NBPF26: variants seen among roughly 807,000 people sequenced by gnomAD.
The protein encoded by NBPF26 is NBPF family member NBPF26.
NBPF26 carries 79 observed loss-of-function variants against 119.6 expected under a neutral mutation model. That is an observed-to-expected ratio of 0.66 (90% CI 0.55 to 0.80). The LOEUF (loss-of-function observed/expected upper bound fraction) is 0.80. Among genes scored for constraint, NBPF26 ranks in the 30% least tolerant of loss-of-function variants. NBPF26 has a pLI of 0.00. For synonymous variants in NBPF26, 299 were observed against 457.7 expected, an observed-to-expected ratio of 0.65 and a Z score of 4.43; for missense variants, 800 against 1,198.2, an observed-to-expected ratio of 0.67 and a Z score of 4.91.
At chr1:120,765,959 A>G (rs1272683937) in intron 2 of NBPF26, among the ~76,000 whole-genome samples, 1 of 50,204 alleles carries the variant, frequency 2.0e-5, no homozygotes, top group Non-Finnish European at 3.3e-5. Flanking sequence ...GGAGGGGAAC[A>G]TCACACACTG....
At chr1:120,752,551 TA>T (rs1313617512) in intron 1 of NBPF26, among the ~76,000 whole-genome samples, 145 of 16,242 alleles carry the variant, frequency 8.9e-3, no homozygotes, top group Non-Finnish European at 0.011. Flanking sequence ...TATATATATA[TA>T]TATTTTTTTT....
intron 8 of NBPF26, 138 bp downstream of exon 8, chr1:120,810,021 G>T (rs1468251240): frequency 1.0e-4 from 139 of 1,334,130 alleles, no homozygotes; most frequent in Middle Eastern, 5.0e-4. Flanking sequence ...ACCCAGCTTA[G>T]ACACAGGGTG....
rs1357863906 is a variant in NBPF26 at position 120,778,482 on chromosome 1, G to GT, written c.156-6485dup. Reference sequence around the variant, plus strand: ...TCCCCTTCGTTCCACATTCTGTATAGTTTTTTTAAAAATCATGATTTTGAA... The same window carrying GT: ...TCCCCTTCGTTCCACATTCTGTATAGTTTTTTTTAAAAATCATGATTTTGAA... On this transcript the variant is annotated intron_variant, in intron 2 of 29. Transcript: ENST00000620612. Among the ~76,000 whole-genome samples, 11 of 103,966 alleles carry GT rather than the reference G, an allele frequency of 1.1e-4. 4 individuals are homozygous for GT. Among genetic ancestry groups the GT allele is most frequent in the East Asian group, 4.6e-4 (2 of 4,392 alleles). The allele number at this position is 103,966 out of a possible 152,430, so 68.2% of individuals were successfully genotyped here. A position where few individuals can be genotyped will look rare whatever the true frequency, so the allele number is the denominator to read the frequency against.
chr1:120,793,262 G>A, exon 4 of NBPF26: 1 of 1,397,150 alleles, frequency 7.2e-7, no homozygotes, highest in Non-Finnish European at 9.6e-7. Context: ...ATGCCTCACA[G>A]GCTTCACAGG....
Position 120,823,910 on chromosome 1 carries a change from T to G in NBPF26, c.2640-64T>G. Reference sequence around the variant, plus strand: ...TCTTCCTTACATTAGCCATGAAATCTAGCTGGGGCTGTGTGGTTTCTGATT... The same window carrying G: ...TCTTCCTTACATTAGCCATGAAATCGAGCTGGGGCTGTGTGGTTTCTGATT... On this transcript the variant is annotated intron_variant, in intron 17 of 29. Coordinates refer to ENST00000620612, the Ensembl canonical transcript of NBPF26. The G allele has an allele frequency of 8.3e-6, 4 of 479,116 alleles. 1 individual carries two copies. Among genetic ancestry groups the G allele is most frequent in the South Asian group, 7.4e-5 (4 of 53,952 alleles). 29.7% of individuals were successfully genotyped at this position (479,116 alleles called of 1,614,324 possible). A position where few individuals can be genotyped will look rare whatever the true frequency, so the allele number is the denominator to read the frequency against.
chr1:120,805,394 C>T lies in NBPF26; in HGVS notation c.752-162C>T. 2.1e-5 allele frequency: 24 copies of T among 1,161,664 alleles called. 3 individuals are homozygous for T. Among genetic ancestry groups the T allele is most frequent in the Non-Finnish European group, 2.7e-5 (23 of 852,752 alleles). The allele number at this position is 1,161,664 out of a possible 1,614,324, so 72.0% of individuals were successfully genotyped here. A position where few individuals can be genotyped will look rare whatever the true frequency, so the allele number is the denominator to read the frequency against. ...AGCTCTGAGTTGAGGCACCTCGAAC[C>T]TTGTTTTTGTGGTGAAGGATCCTAA... is the stretch of plus-strand genomic sequence containing the variant. On this transcript the variant is annotated intron_variant, in intron 4 of 29. Coordinates refer to ENST00000620612, the Ensembl canonical transcript of NBPF26.
chr1:120,832,382 G>A (rs1290572898), intron 22 of NBPF26, among the ~76,000 whole-genome samples: 1 of 101,864 alleles, frequency 9.8e-6, no homozygotes, highest in East Asian at 2.5e-4. Context: ...CATACCTGTG[G>A]CGCCCTGATC....
chr1:120,807,800 G>A lies in NBPF26; in HGVS notation c.1064+91G>A. ...GTGGGGAGACGTAAGAGCTAAGCTG[G>A]GCCAGGGGAAGGGCAGGAATTGCCA... On this transcript the variant is annotated intron_variant, in intron 6 of 29. Transcript: ENST00000620612. 9 of 560,568 alleles carry A rather than the reference G, an allele frequency of 1.6e-5. 1 individual carries two copies. Among genetic ancestry groups the A allele is most frequent in the African/African-American group, 6.6e-5 (2 of 30,240 alleles). 34.7% of individuals were successfully genotyped at this position (560,568 alleles called of 1,614,324 possible). A position where few individuals can be genotyped will look rare whatever the true frequency, so the allele number is the denominator to read the frequency against.
intron 2 of NBPF26, among the ~76,000 whole-genome samples, chr1:120,764,519 G>C (rs1195731694): frequency 2.5e-5 from 2 of 81,184 alleles, no homozygotes; most frequent in Non-Finnish European, 4.6e-5. Flanking sequence ...CAGGGGCTTT[G>C]GGTGTGTATT....
intron 2 of NBPF26, among the ~76,000 whole-genome samples, chr1:120,778,305 G>C (rs1391861469): frequency 7.3e-5 from 5 of 68,746 alleles, no homozygotes; most frequent in Admixed American, 2.8e-4. Context: ...CTGCGGATTG[G>C]GGGGCCAAGA....
chr1:120,840,495 C>T lies in NBPF26; in HGVS notation c.4249C>T (p.His1417Tyr). The T allele has an allele frequency of 2.0e-6, 3 of 1,478,712 alleles. 1 individual carries two copies. Among genetic ancestry groups the T allele is most frequent in the Non-Finnish European group, 1.8e-6 (2 of 1,092,090 alleles). The allele number at this position is 1,478,712 out of a possible 1,614,324, so 91.6% of individuals were successfully genotyped here. A position where few individuals can be genotyped will look rare whatever the true frequency, so the allele number is the denominator to read the frequency against. Reference sequence around the variant, plus strand: ...TGTGTTTTACTCATTTGAGGAAGAGCATATCAGCTTCGCCCTTTACGTGGA... The same window carrying T: ...TGTGTTTTACTCATTTGAGGAAGAGTATATCAGCTTCGCCCTTTACGTGGA... The change falls in exon 30 of 30, where the codon CAT becomes TAT. Residue 1417 changes from histidine to tyrosine, a missense_variant. Coordinates refer to ENST00000620612, the Ensembl canonical transcript of NBPF26.
At chr1:120,830,221 T>C (rs1455670558) in intron 19 of NBPF26, among the ~76,000 whole-genome samples, 195 bp from the exon 24 acceptor site, 4 of 121,816 alleles carry the variant, frequency 3.3e-5, no homozygotes. Flanking sequence ...TCTCTGCCTC[T>C]CCCTGTCTTT....
At chr1:120,781,914 T>A (rs1651366680) in intron 2 of NBPF26, among the ~76,000 whole-genome samples, 2 of 111,046 alleles carry the variant, frequency 1.8e-5, no homozygotes, top group Non-Finnish European at 3.4e-5. Flanking sequence ...AAAATGGAGA[T>A]TATAATATAG....
chr1:120,784,196 T>A (rs1651396923), intron 2 of NBPF26, among the ~76,000 whole-genome samples: 1 of 118,286 alleles, frequency 8.5e-6, no homozygotes, highest in South Asian at 2.4e-4. Context: ...TCTAAAACAT[T>A]TTAAATAGAA....
At chr1:120,732,854 T>G in intron 1 of NBPF26, among the ~76,000 whole-genome samples, 1 of 111,518 alleles carries the variant, frequency 9.0e-6, no homozygotes, top group Middle Eastern at 4.0e-3. Context: ...TTAAGGTAAG[T>G]TTACGTAGCA....
chr1:120,802,762 T>C lies in NBPF26; in HGVS notation c.752-2794T>C, dbSNP rs1343000549. 2.5e-5 allele frequency among the ~76,000 whole-genome samples: 3 copies of C among 118,182 alleles called. No homozygotes were observed. The East Asian group carries it at 6.1e-4, about 24-fold the overall frequency. The allele number at this position is 118,182 out of a possible 152,430, so 77.5% of individuals were successfully genotyped here. On this transcript the variant is annotated intron_variant, in intron 4 of 29. Coordinates refer to ENST00000620612, the Ensembl canonical transcript of NBPF26. Reference sequence around the variant, plus strand: ...TAGAAACTCGAAATTTAACAGGTTCTTTCAGTTTCAGGACAGTTGTGTTCA... The same window carrying C: ...TAGAAACTCGAAATTTAACAGGTTCCTTCAGTTTCAGGACAGTTGTGTTCA...
rs1266879340 is a variant in NBPF26 at position 120,817,815 on chromosome 1, C to T, written c.2372-308C>T. Among the ~76,000 whole-genome samples, 14 of 102,628 alleles carry T rather than the reference C, an allele frequency of 1.4e-4. 3 individuals carry two copies. The highest frequency in any genetic ancestry group is 3.9e-3 in the Middle Eastern group (1 of 256). The allele number at this position is 102,628 out of a possible 152,430, so 67.3% of individuals were successfully genotyped here. The stretch of plus-strand genomic sequence containing the variant: ...GATATAAGTCCATATCGCAGCAACA[C>T]TCTTAGAAAATTGTTTGACCAATTT... On this transcript the variant is annotated intron_variant, in intron 14 of 29. Coordinates refer to ENST00000620612, the Ensembl canonical transcript of NBPF26.
chr1:120,768,570 C>T (rs1308181832), intron 2 of NBPF26, among the ~76,000 whole-genome samples: 2 of 110,054 alleles, frequency 1.8e-5, no homozygotes, highest in Non-Finnish European at 3.4e-5. Context: ...GCACACTCTT[C>T]CTCTTCTGCT....
intron 14 of NBPF26, 67 bp downstream of exon 14, chr1:120,816,894 G>T (rs1203937172): frequency 1.4e-6 from 2 of 1,442,842 alleles, no homozygotes; most frequent in East Asian, 4.6e-5. Flanking sequence ...CTGAAGACAG[G>T]CTCTATAAAC....
Sources: gnomAD v4.1 joint callset for allele counts (sites outside exome capture counted in the v4.1 genomes callset) on GRCh38, gnomAD v4.1.1 for gene constraint, MANE v1.5 for transcripts, NCBI Gene and HGNC (gene_info 2026-07-23, HGNC 2026-07-21) for gene names.